The following DLGAP1 variants were observed in gnomAD, a reference collection of about 807,000 sequenced individuals.
DLGAP1 encodes the protein DLG associated protein 1, also known as disks large-associated protein 1.
A neutral mutation model predicts 90.8 loss-of-function variants in DLGAP1; 11 were observed. The observed-to-expected ratio is 0.12, with a 90% confidence interval of 0.08 to 0.20. DLGAP1 has a LOEUF of 0.20. DLGAP1 is among the 10% of genes least tolerant of loss of function. DLGAP1 has a pLI of 1.00. For missense variants in DLGAP1, 1,050 were observed against 1,333.8 expected, an observed-to-expected ratio of 0.79 and a Z score of 3.31; for synonymous variants, 558 against 540.7, an observed-to-expected ratio of 1.03 and a Z score of -0.44.
At chr18:4,285,379 G>A (rs1044488633) in intron 1 of DLGAP1, among the ~76,000 whole-genome samples, 5 of 152,090 alleles carry the variant, frequency 3.3e-5, no homozygotes, top group Middle Eastern at 3.2e-3. Context: ...AGTAAGAAGA[G>A]GGGCAGAAAA....
intron 1 of DLGAP1, among the ~76,000 whole-genome samples, chr18:4,295,926 A>T (rs2079970209): frequency 6.6e-6 from 1 of 152,190 alleles, no homozygotes; most frequent in Non-Finnish European, 1.5e-5. Flanking sequence ...AAGTAATGAG[A>T]GTCAACACAG....
At chr18:4,079,194 G>C (rs1005851064) in intron 2 of DLGAP1, among the ~76,000 whole-genome samples, 4 of 151,906 alleles carry the variant, frequency 2.6e-5, no homozygotes, top group Admixed American at 2.6e-4. Context: ...CCATTGGCTT[G>C]TGGAGAGCTG....
chr18:4,125,748 T>C (rs1211925001), intron 2 of DLGAP1, among the ~76,000 whole-genome samples: 1 of 152,090 alleles, frequency 6.6e-6, no homozygotes, highest in Non-Finnish European at 1.5e-5. Flanking sequence ...AGAAACTAGA[T>C]TGAAGTTGAC....
At chr18:3,804,583 G>A (rs778383419) in intron 5 of DLGAP1, among the ~76,000 whole-genome samples, 31 of 152,228 alleles carry the variant, frequency 2.0e-4, no homozygotes, top group Non-Finnish European at 3.5e-4. Flanking sequence ...GCTTTTCAGA[G>A]AACCACAGAT....
intron 1 of DLGAP1, among the ~76,000 whole-genome samples, chr18:4,443,980 C>CA (rs1250659263): frequency 2.5e-4 from 38 of 152,174 alleles, no homozygotes; most frequent in Admixed American, 1.1e-3. Context: ...TAAAGTGTTC[C>CA]AGTTATGTTT....
chr18:3,914,579 T>C (rs2072103108), intron 3 of DLGAP1, among the ~76,000 whole-genome samples: 1 of 152,194 alleles, frequency 6.6e-6, no homozygotes, highest in African/African-American at 2.4e-5. Context: ...ATATATCCTT[T>C]GGAAGTTGGA....
chr18:4,176,681 G>T (rs1171851566), intron 1 of DLGAP1, among the ~76,000 whole-genome samples: 1 of 152,132 alleles, frequency 6.6e-6, no homozygotes, highest in Non-Finnish European at 1.5e-5. Flanking sequence ...GCATAGCACT[G>T]GTCAAGCTCT....
At position 3,499,290 on chromosome 18, in the gene DLGAP1, C is replaced by A; in HGVS notation, c.2829G>T (p.Lys943Asn). Reference sequence around the variant, plus strand: ...CGGCGCGCTTGGCGGCCATCAGGCGCTTGCGGGCCTCCTGGCGCTGCGAGC... The same window carrying A: ...CGGCGCGCTTGGCGGCCATCAGGCGATTGCGGGCCTCCTGGCGCTGCGAGC... ...LESSQRQEAR[K>N]RLMAAKRAAS... is the part of the protein sequence containing the mutation. Residue 943 changes from lysine (K) to asparagine (N), a missense_variant, in exon 13 of 13, where the codon AAG (lysine) becomes AAT (asparagine). Lys to Asn is a moderately conservative substitution (Grantham distance 94). This residue lies in a region of DLGAP1 where 565 missense variants were observed against 879.7 expected (regional missense o/e 0.64). Transcript: ENST00000315677. This position sits in a 1 kb window ranked among gnomAD's most constrained non-coding sequence, Gnocchi z 6.4. 6.3e-7 allele frequency: 1 copy of A among 1,592,176 alleles called. No individual in the cohort carries two copies. The highest frequency in any genetic ancestry group is 8.5e-7 in the Non-Finnish European group (1 of 1,170,380).
chr18:4,039,317 A>G (rs1393232371), intron 2 of DLGAP1, among the ~76,000 whole-genome samples: 1 of 152,144 alleles, frequency 6.6e-6, no homozygotes, highest in African/African-American at 2.4e-5. Flanking sequence ...GGAGACACCC[A>G]ATGAATGTCT....
At chr18:3,616,733 G>A (rs556625292) in intron 7 of DLGAP1, among the ~76,000 whole-genome samples, 75 of 152,112 alleles carry the variant, frequency 4.9e-4, no homozygotes, top group Non-Finnish European at 8.4e-4. Flanking sequence ...CACCCTAGGC[G>A]GCAGAGGGAG....
chr18:4,016,680 T>C (rs1023819654), intron 2 of DLGAP1, among the ~76,000 whole-genome samples: 1 of 152,202 alleles, frequency 6.6e-6, no homozygotes, highest in Admixed American at 6.5e-5. Flanking sequence ...AAAAAATCTT[T>C]CTCAAGCTCT....
chr18:4,397,886 G>C (rs889604280), intron 1 of DLGAP1, among the ~76,000 whole-genome samples: 1 of 151,992 alleles, frequency 6.6e-6, no homozygotes, highest in South Asian at 2.1e-4. Flanking sequence ...TAAGAGCAGG[G>C]TTTATGAGTG....
chr18:3,967,388 T>G (rs907517429), intron 3 of DLGAP1, among the ~76,000 whole-genome samples: 1 of 152,152 alleles, frequency 6.6e-6, no homozygotes, highest in Admixed American at 6.5e-5. Flanking sequence ...TTTAGAACAG[T>G]GATTCTCAAG....
At position 3,567,518 on chromosome 18, in the gene DLGAP1, C is replaced by T. The variant is rs757116022; in HGVS notation, c.2029G>A (p.Val677Met). The T allele has an allele frequency of 5.6e-6, 9 of 1,614,012 alleles. No homozygotes were observed. Among genetic ancestry groups the T allele is most frequent in the East Asian group, 2.2e-5 (1 of 44,866 alleles). Residue 677 changes from valine (V) to methionine (M), a missense_variant, in exon 9 of 13, where the codon GTG becomes ATG. Around this residue, in one of 2 missense-constraint regions of DLGAP1, gnomAD observed 565 missense variants for 879.7 expected, o/e 0.64. Transcript: ENST00000315677. ...TTCTCTTCTTCTACTTGCACTCCCA[C>T]GGACTGGAACTTACTGGGTGCTTTA... is the stretch of plus-strand genomic sequence containing the variant. Reference protein sequence around the residue: ...ENKAPSKFQSVGVQVEEEKCF... With the variant: ...ENKAPSKFQSMGVQVEEEKCF...
intron 4 of DLGAP1, among the ~76,000 whole-genome samples, chr18:3,846,111 T>C (rs1209864681): frequency 6.7e-6 from 1 of 150,050 alleles, no homozygotes; most frequent in Non-Finnish European, 1.5e-5. Context: ...AAGGAACTGT[T>C]GCAGCGTCCT....
chr18:4,259,504 C>T (rs1334253231), intron 1 of DLGAP1, among the ~76,000 whole-genome samples: 2 of 152,134 alleles, frequency 1.3e-5, no homozygotes, highest in Non-Finnish European at 2.9e-5. Context: ...AGATTGTGAT[C>T]TGAAATTTTT....
chr18:3,686,371 C>T (rs2060703576), intron 7 of DLGAP1, among the ~76,000 whole-genome samples: 2 of 152,048 alleles, frequency 1.3e-5, no homozygotes, highest in Non-Finnish European at 2.9e-5. Flanking sequence ...GTTTAGACAG[C>T]TCTTGTTTTG....
chr18:3,878,221 G>C (rs1294729759), intron 4 of DLGAP1: 1 of 151,006 alleles, frequency 6.6e-6, no homozygotes, highest in Non-Finnish European at 1.5e-5. Context: ...AAGACACTCT[G>C]AAAAAGGAAA....
chr18:3,689,123 G>C (rs2060808036), intron 7 of DLGAP1, among the ~76,000 whole-genome samples: 1 of 152,148 alleles, frequency 6.6e-6, no homozygotes, highest in African/African-American at 2.4e-5. Flanking sequence ...CGTTTACTAA[G>C]TTAAAAAATA....
Sources: allele counts gnomAD v4.1 joint callset (sites outside exome capture counted in the v4.1 genomes callset), GRCh38; gene constraint gnomAD v4.1.1; regional missense constraint gnomAD v4.1.1; non-coding constraint Gnocchi (gnomAD v3.1); transcripts MANE v1.5; gene names NCBI Gene and HGNC (gene_info 2026-07-23, HGNC 2026-07-21).